The following AK5 variants were observed in gnomAD, a reference collection of about 807,000 sequenced individuals.
The protein encoded by AK5 is adenylate kinase 5, also known as adenylate kinase isoenzyme 5.
Under a neutral mutation model 69.5 loss-of-function variants are expected in AK5, and 27 were observed. The ratio of observed to expected loss-of-function variants is 0.39; its 90% CI spans 0.29 to 0.54. The LOEUF is 0.54. Ranked by LOEUF, AK5 falls within the 20% of genes least tolerant of loss-of-function variation. AK5 has a pLI of 0.71. For synonymous variants in AK5, 260 were observed against 244.4 expected, an observed-to-expected ratio of 1.06 and a Z score of -0.60; for missense variants, 531 against 700.4, an observed-to-expected ratio of 0.76 and a Z score of 2.73.
intron 12 of AK5, among the ~76,000 whole-genome samples, chr1:77,524,964 G>A (rs1172691092): frequency 6.6e-6 from 1 of 152,214 alleles, no homozygotes; most frequent in Non-Finnish European, 1.5e-5. Context: ...CTGGAGTACA[G>A]TGGTGAATCT....
At chr1:77,474,650 T>A (rs1326911095) in intron 8 of AK5, among the ~76,000 whole-genome samples, 1 of 152,130 alleles carries the variant, frequency 6.6e-6, no homozygotes, top group African/African-American at 2.4e-5. Context: ...GAGTTGTCAG[T>A]CCCTTAAGCT....
intron 8 of AK5, among the ~76,000 whole-genome samples, chr1:77,457,845 A>G (rs59361407): frequency 0.033 from 4,999 of 152,250 alleles, 224 homozygotes; most frequent in East Asian, 0.19. Context: ...TAGGCCGTCT[A>G]TTAGCTTCCT....
At chr1:77,438,331 T>A (rs1652099787) in intron 8 of AK5, among the ~76,000 whole-genome samples, 2 of 124,166 alleles carry the variant, frequency 1.6e-5, no homozygotes, top group Non-Finnish European at 1.7e-5. Context: ...AAAACAAGCT[T>A]GGGGAGTTCA....
At chr1:77,358,386 G>A (rs1003779125) in intron 6 of AK5, among the ~76,000 whole-genome samples, 11 of 152,144 alleles carry the variant, frequency 7.2e-5, no homozygotes, top group Admixed American at 3.9e-4. Flanking sequence ...TAGAAAACAC[G>A]TGAGAACCCT....
At position 77,462,796 on chromosome 1, in the gene AK5, G is replaced by A. The variant is rs555528249; in HGVS notation, c.1060-20521G>A. On this transcript the variant is annotated intron_variant, in intron 8 of 13. Transcript: ENST00000354567. ...CCCTATACTTTAAAACAATAAAACC[G>A]AGTTTGTTGAAAATACCATTGAGAT... Among the ~76,000 whole-genome samples the A allele has an allele frequency of 9.2e-5, 14 of 152,206 alleles. No homozygotes were observed. In the South Asian group the frequency reaches 2.7e-3, roughly 29 times the overall value.
At chr1:77,333,551 C>CCG (rs1557503980) in intron 5 of AK5, among the ~76,000 whole-genome samples, 3 of 148,346 alleles carry the variant, frequency 2.0e-5, no homozygotes, top group East Asian at 4.0e-4. Flanking sequence ...ATCTCCCCCC[C>CCG]ACCATGCTAG....
intron 10 of AK5, among the ~76,000 whole-genome samples, chr1:77,490,753 CCTTTTCTGGTA>C (rs1655935759): frequency 6.6e-6 from 1 of 151,758 alleles, no homozygotes; most frequent in Non-Finnish European, 1.5e-5. Flanking sequence ...TTTTTCACAA[CCTTTTCTGGTA>C]CATTTCTTTC....
intron 10 of AK5, among the ~76,000 whole-genome samples, 187 bp downstream of exon 10, chr1:77,486,539 C>CA (rs376300941): frequency 1.9e-4 from 29 of 150,620 alleles, no homozygotes; most frequent in South Asian, 1.7e-3. Context: ...AGTAAAAATA[C>CA]AAAAAAAAAT....
intron 5 of AK5, among the ~76,000 whole-genome samples, chr1:77,322,065 A>G (rs574318530): frequency 1.3e-5 from 2 of 152,334 alleles, no homozygotes; most frequent in East Asian, 3.9e-4. Context: ...ATTATTTCCT[A>G]AAATATTGAC....
chr1:77,323,044 G>C (rs1449285917), intron 5 of AK5, among the ~76,000 whole-genome samples: 1 of 151,466 alleles, frequency 6.6e-6, no homozygotes, highest in Non-Finnish European at 1.5e-5. Flanking sequence ...CTGGAGTCCA[G>C]TGGCACAATC....
chr1:77,384,191 A>T (rs958221861), intron 6 of AK5, among the ~76,000 whole-genome samples: 2 of 152,200 alleles, frequency 1.3e-5, no homozygotes, highest in African/African-American at 4.8e-5. Context: ...ACCACCTCAC[A>T]ACTACTTAAA....
Position 77,332,086 on chromosome 1 carries a change from G to A in AK5, c.700-8291G>A, listed in dbSNP as rs576095987. On this transcript the variant is annotated intron_variant, in intron 5 of 13. Transcript: ENST00000354567. ...CTTGAGTAGGTAGGACTACAGACAT[G>A]CACTATCATGTCCCACTGAAATCTG... 3.2e-4 allele frequency among the ~76,000 whole-genome samples: 48 copies of A among 152,178 alleles called. No individual in the cohort carries two copies. The South Asian group carries it at 9.6e-3, about 30-fold the overall frequency.
intron 8 of AK5, among the ~76,000 whole-genome samples, chr1:77,450,075 C>A (rs1282025811): frequency 6.6e-6 from 1 of 152,142 alleles, no homozygotes; most frequent in Non-Finnish European, 1.5e-5. Context: ...GGGCAAAATG[C>A]TTCCAGTCTC....
chr1:77,318,169 ACAGGAAGCATGG>A (rs1660339058), intron 5 of AK5, among the ~76,000 whole-genome samples: 1 of 152,202 alleles, frequency 6.6e-6, no homozygotes, highest in African/African-American at 2.4e-5. Context: ...CACAGGCTGT[ACAGGAAGCATGG>A]CAGCATCTGC....
At chr1:77,296,762 T>C (rs1659028212) in intron 3 of AK5, among the ~76,000 whole-genome samples, 1 of 152,208 alleles carries the variant, frequency 6.6e-6, no homozygotes, top group South Asian at 2.1e-4. Context: ...TTACTTTTGA[T>C]TTAAAAAATA....
At chr1:77,506,239 G>GGTTGGTTC (rs1434580347) in intron 10 of AK5, among the ~76,000 whole-genome samples, 4 of 151,904 alleles carry the variant, frequency 2.6e-5, no homozygotes, top group Non-Finnish European at 5.9e-5. Flanking sequence ...TTGGTTGGTT[G>GGTTGGTTC]GTTGGTTGGT....
At position 77,387,875 on chromosome 1, in the gene AK5, T is replaced by C. The variant is rs149392697; in HGVS notation, c.892-23106T>C. Among the ~76,000 whole-genome samples, 72 of 152,344 alleles carry C rather than the reference T, an allele frequency of 4.7e-4. 1 individual carries two copies. In the East Asian group the frequency reaches 5.8e-3, roughly 12 times the overall value. Reference sequence around the variant, plus strand: ...ATTTGAAAAGCAAATAATCATCCTTTCATTTATCTTTTGTTTAAGACTGGC... The same window carrying C: ...ATTTGAAAAGCAAATAATCATCCTTCCATTTATCTTTTGTTTAAGACTGGC... On this transcript the variant is annotated intron_variant, in intron 6 of 13. Coordinates refer to ENST00000354567, the MANE Select transcript of AK5 (RefSeq NM_174858.3).
At chr1:77,476,975 G>T (rs1003439698) in intron 8 of AK5, among the ~76,000 whole-genome samples, 7 of 150,332 alleles carry the variant, frequency 4.7e-5, no homozygotes, top group African/African-American at 1.7e-4. Context: ...TGAGGAAATA[G>T]CCTGATCTAT....
At chr1:77,370,690 G>A (rs1647104117) in intron 6 of AK5, among the ~76,000 whole-genome samples, 1 of 152,152 alleles carries the variant, frequency 6.6e-6, no homozygotes, top group Non-Finnish European at 1.5e-5. Context: ...AAGTCACAGA[G>A]AGTGGAAGGA....
Sources: gnomAD v4.1 joint callset for allele counts (sites outside exome capture counted in the v4.1 genomes callset) on GRCh38, gnomAD v4.1.1 for gene constraint, MANE v1.5 for transcripts, NCBI Gene and HGNC (gene_info 2026-07-23, HGNC 2026-07-21) for gene names.